The following KRT34 variants were observed in gnomAD, a reference collection of about 807,000 sequenced individuals.
KRT34 encodes the protein keratin, type I cuticular Ha4.
KRT34 carries 31 observed loss-of-function variants against 41.7 expected under a neutral mutation model. The ratio of observed to expected loss-of-function variants is 0.74; its 90% CI spans 0.56 to 1.00. KRT34 has a LOEUF of 1.00. KRT34 is among the 50% of genes least tolerant of loss of function. The pLI is 0.00. For missense variants in KRT34, 523 were observed against 500.3 expected (o/e 1.05, Z -0.43); for synonymous variants, 224 against 212.9 (o/e 1.05, Z -0.45).
Position 41,381,227 on chromosome 17 carries a change from G to GA in KRT34, c.432-16_432-15insT, listed in dbSNP as rs769781693. The GA allele has an allele frequency of 5.0e-6, 8 of 1,609,398 alleles. No individual in the cohort carries two copies. In the East Asian group the frequency reaches 1.6e-4, roughly 31 times the overall value. The stretch of plus-strand genomic sequence containing the variant: ...CCGTCTGGTACCTGCACGTGTCGGA[G>GA]TGGGAGGATAAGTCAGGAAAGAAAA... On this transcript the variant is annotated splice_polypyrimidine_tract_variant and intron_variant, in intron 2 of 6. Coordinates refer to ENST00000394001, the MANE Select transcript of KRT34 (RefSeq NM_001386014.1).
upstream of KRT34, chr17:41,382,425 A>T: frequency 6.9e-7 from 1 of 1,450,950 alleles, no homozygotes; most frequent in Non-Finnish European, 9.5e-7. Flanking sequence ...TGCTAGTTAG[A>T]TGCTTCTAAA....
upstream of KRT34, among the ~76,000 whole-genome samples, chr17:41,383,144 G>A (rs111912565): frequency 1.5e-3 from 224 of 151,652 alleles, 1 homozygote; most frequent in African/African-American, 5.1e-3. Flanking sequence ...TCAGCCCCCC[G>A]AGTAGCTGGG....
chr17:41,379,761 A>G, intron 3 of KRT34, 30 bp from the exon 4 acceptor site: 1 of 1,566,026 alleles, frequency 6.4e-7, no homozygotes, highest in Non-Finnish European at 8.6e-7. Flanking sequence ...CAATGAACCT[A>G]CGGCAATGGA....
chr17:41,381,565 A>G, intron 2 of KRT34, 148 bp downstream of exon 2: 12 of 703,850 alleles, frequency 1.7e-5, no homozygotes, highest in East Asian at 1.3e-4. Context: ...AGCAGGCAGC[A>G]CATGAGTCTA....
At position 41,382,034 on chromosome 17, in the gene KRT34, C is replaced by T. The variant is rs757789836; in HGVS notation, c.213G>A (p.Leu71=). The part of the protein sequence containing the change: ...QFLNDRLASY[L]EKVRQLERDN... ...CCCGCTCCAGCTGACGCACCTTCTC[C>T]AGGTAGCTGGCCAGGCGGTCGTTCA... Residue 71 remains leucine (L), a synonymous_variant, in exon 1 of 7, where the codon CTG becomes CTA. Coordinates refer to ENST00000394001, the MANE Select transcript of KRT34 (RefSeq NM_001386014.1). The T allele has an allele frequency of 6.2e-7, 1 of 1,613,996 alleles. No homozygotes were observed.
rs200537854 is a variant in KRT34, at chr17:41,382,203, C to A, written c.44G>T (p.Ser15Ile). Residue 15 changes from serine (S) to isoleucine (I), a missense_variant, in exon 1 of 7, where the codon AGC becomes ATC. Transcript: ENST00000394001. ...GGGCACGCAGGGCCGGGAGGAGCAG[C>A]TGGTGCGGCAGCCCAGGCTGGGCAG... is the stretch of plus-strand genomic sequence containing the variant. Reference protein sequence around the residue: ...CCLPSLGCRTSCSSRPCVPPS... With the variant: ...CCLPSLGCRTICSSRPCVPPS... The A allele has an allele frequency of 1.2e-6, 2 of 1,612,458 alleles. No homozygotes were observed. Among genetic ancestry groups the A allele is most frequent in the Admixed American group, 3.3e-5 (2 of 60,026 alleles).
upstream of KRT34, chr17:41,382,315 C>T: frequency 6.2e-7 from 1 of 1,613,360 alleles, no homozygotes; most frequent in Non-Finnish European, 8.5e-7. Flanking sequence ...TTGAGTCTCT[C>T]CTTCCTCTGC....
At chr17:41,380,230 G>A (rs1054784974) in intron 3 of KRT34, among the ~76,000 whole-genome samples, 2 of 150,668 alleles carry the variant, frequency 1.3e-5, no homozygotes, top group East Asian at 2.0e-4. Context: ...CTGCACTCCA[G>A]CCTGGTGACA....
chr17:41,381,791 A>C lies in KRT34; in HGVS notation c.353T>G (p.Leu118Arg). 6.2e-7 allele frequency: 1 copy of C among 1,614,226 alleles called. No individual in the cohort carries two copies. Among genetic ancestry groups the C allele is most frequent in the Non-Finnish European group, 8.5e-7 (1 of 1,180,034 alleles). Residue 118 changes from leucine (L) to arginine (R), a missense_variant, in exon 2 of 7, where the codon CTG becomes CGG. Transcript: ENST00000394001. The stretch of plus-strand genomic sequence containing the variant: ...CCTGGCATTCTCAGCCTTGGCACAC[A>C]GAATCTGAAAAGAAATTTCTCTCAT... ...KTIEELQQKI[L>R]CAKAENARLV...
chr17:41,381,852 A>G (rs375061597), intron 1 of KRT34, 47 bp downstream of exon 1: 13 of 1,613,258 alleles, frequency 8.1e-6, no homozygotes, highest in Non-Finnish European at 9.3e-6. Context: ...CTTACTGTTC[A>G]AAGAGAGCCA....
In KRT34 at chr17:41,379,365, G is replaced by C; in HGVS notation, c.864C>G (p.Ala288=). Residue 288 remains alanine (A), a synonymous_variant, in exon 5 of 7, where the codon GCC becomes GCG. Transcript: ENST00000394001. ...TVNALEIELQ[A]QHNLRDSLEN... is the part of the protein sequence containing the mutation. The stretch of plus-strand genomic sequence containing the variant: ...GAACAATACACACCAGGTTGTGCTG[G>C]GCCTGCAGCTCGATCTCCAGGGCGT... 1 of 1,613,174 alleles carries C rather than the reference G, an allele frequency of 6.2e-7. No individual in the cohort carries two copies. The highest frequency in any genetic ancestry group is 8.5e-7 in the Non-Finnish European group (1 of 1,180,022).
intron 5 of KRT34, 86 bp from the exon 6 acceptor site, chr17:41,379,262 G>C: frequency 6.2e-7 from 1 of 1,608,586 alleles, no homozygotes; most frequent in South Asian, 1.1e-5. Context: ...CAAGCTCCAA[G>C]AGCTAAGGAG....
At position 41,379,601 on chromosome 17, in the gene KRT34, C is replaced by A. The variant is rs560569006; in HGVS notation, c.719G>T (p.Arg240Leu). 3.7e-6 allele frequency: 6 copies of A among 1,614,040 alleles called. No homozygotes were observed. The highest frequency in any genetic ancestry group is 1.7e-4 in the Middle Eastern group (1 of 6,058). The change falls in exon 4 of 7, where the codon CGC (arginine) becomes CTC (leucine). Residue 240 changes from arginine (R) to leucine (L), a missense_variant. By Grantham distance (102) the Arg-to-Leu change is moderately radical. Coordinates refer to ENST00000394001, the MANE Select transcript of KRT34 (RefSeq NM_001386014.1). ...GGCGAACCATTGCTCCACTTCCCTG[C>A]GGTTAATTTCCACCAGAGCCTCATA... ...SQYEALVEIN[R>L]REVEQWFATQ... is the part of the protein sequence containing the mutation.
chr17:41,378,225 C>T, intron 6 of KRT34, 79 bp from the exon 7 acceptor site: 1 of 904,732 alleles, frequency 1.1e-6, no homozygotes, highest in Non-Finnish European at 1.8e-6. Context: ...ATGACACAAC[C>T]TATGAATTCT....
At chr17:41,380,415 A>T (rs1415231089) in intron 3 of KRT34, among the ~76,000 whole-genome samples, 1 of 152,238 alleles carries the variant, frequency 6.6e-6, no homozygotes, top group Non-Finnish European at 1.5e-5. Context: ...ACTCCTTGGC[A>T]TATGCAAGTC....
intron 6 of KRT34, 92 bp downstream of exon 6, chr17:41,378,864 T>C: frequency 6.6e-7 from 1 of 1,521,456 alleles, no homozygotes; most frequent in Non-Finnish European, 9.0e-7. Flanking sequence ...TAATGTGTGT[T>C]GCCTGACTAG....
intron 3 of KRT34, among the ~76,000 whole-genome samples, chr17:41,380,368 G>A (rs1014237262): frequency 2.0e-5 from 3 of 152,098 alleles, no homozygotes; most frequent in Admixed American, 6.5e-5. Flanking sequence ...CCATAGAAAC[G>A]GAAACAACCT....
chr17:41,378,818 T>C, intron 6 of KRT34, 138 bp downstream of exon 6: 1 of 1,257,294 alleles, frequency 8.0e-7, no homozygotes. Context: ...TCCCTTTGCT[T>C]AGCTATCACA....
upstream of KRT34, chr17:41,382,533 T>C (rs775625801): frequency 1.4e-5 from 9 of 651,630 alleles, no homozygotes; most frequent in Non-Finnish European, 2.1e-5. Context: ...TTTCATCAGA[T>C]GGCTTCATAG....
Sources: allele counts gnomAD v4.1 joint callset (sites outside exome capture counted in the v4.1 genomes callset), GRCh38; gene constraint gnomAD v4.1.1; transcripts MANE v1.5; gene names NCBI Gene and HGNC (gene_info 2026-07-23, HGNC 2026-07-21).